Variants in C16orf46 observed in about 807,000 individuals in gnomAD.
C16orf46 encodes the protein uncharacterized protein C16orf46.
C16orf46 carries 7 observed loss-of-function variants against 5.5 expected under a neutral mutation model. The observed-to-expected ratio is 1.28, with a 90% CI of 0.73 to 2.40. The LOEUF (loss-of-function observed/expected upper bound fraction) is 2.40. Among genes scored for constraint, C16orf46 ranks in the 30% most tolerant of loss-of-function variants. C16orf46 has a pLI of 0.00. For missense variants in C16orf46, 614 were observed against 476.0 expected (o/e 1.29, Z -2.70); for synonymous variants, 200 against 184.1 (o/e 1.09, Z -0.70).
chr16:81,056,172 G>A (rs939063217), downstream of C16orf46: 2 of 152,158 alleles, frequency 1.3e-5, no homozygotes, highest in Non-Finnish European at 2.9e-5. Flanking sequence ...TCATATTTAC[G>A]CCTGTTCAGC....
downstream of C16orf46, among the ~76,000 whole-genome samples, chr16:81,059,890 G>A (rs1971411913): frequency 6.6e-6 from 1 of 151,500 alleles, no homozygotes; most frequent in Admixed American, 6.6e-5. Flanking sequence ...CTGGGTTCAC[G>A]CCATTCTCCT....
At position 81,061,323 on chromosome 16, in the gene C16orf46, C is replaced by T. The variant is rs1405794613; in HGVS notation, c.1026G>A (p.Lys342=). The T allele has an allele frequency of 6.2e-7, 1 of 1,614,028 alleles. No individual in the cohort carries two copies. The highest frequency in any genetic ancestry group is 8.5e-7 in the Non-Finnish European group (1 of 1,180,036). Residue 342 remains lysine (K), a synonymous_variant, in exon 4 of 4, where the codon AAG becomes AAA. Coordinates refer to ENST00000299578, the MANE Select transcript of C16orf46 (RefSeq NM_152337.3). ...GGGTGATCACAGGAGATCTTGGCTC[C>T]TTGGCTTTGAATTTGGATTTGTAGC... ...VQSYKSKFKA[K]EPRSPVITRK...
downstream of C16orf46, among the ~76,000 whole-genome samples, chr16:81,059,698 G>T (rs550012666): frequency 6.2e-4 from 95 of 152,284 alleles, no homozygotes; most frequent in African/African-American, 2.3e-3. Flanking sequence ...AAGTGTCTGG[G>T]GTTGAGGGTT....
At chr16:81,063,268 A>AT (rs1971547608) in intron 3 of C16orf46, among the ~76,000 whole-genome samples, 1 of 143,474 alleles carries the variant, frequency 7.0e-6, no homozygotes, top group Non-Finnish European at 1.5e-5. Flanking sequence ...AAAAAAAAAA[A>AT]CCCACAGAGT....
At chr16:81,053,822 A>G in exon 4 of C16orf46, 1 of 421,850 alleles carries the variant, frequency 2.4e-6, no homozygotes, top group South Asian at 7.2e-5. Flanking sequence ...ATATTATATT[A>G]CCTCTGCATA....
intron 1 of C16orf46, among the ~76,000 whole-genome samples, chr16:81,069,647 T>C (rs1001334223): frequency 6.6e-6 from 1 of 152,220 alleles, no homozygotes; most frequent in African/African-American, 2.4e-5. Context: ...CACATTAATC[T>C]GGTATCATTA....
At chr16:81,053,871 G>C (rs1302767255) in exon 4 of C16orf46, 2 of 538,918 alleles carry the variant, frequency 3.7e-6, no homozygotes, top group South Asian at 2.9e-5. Flanking sequence ...AGACCTAAAA[G>C]AGCGAGCCGA....
chr16:81,070,100 A>G (rs1014713560), intron 1 of C16orf46, among the ~76,000 whole-genome samples: 3 of 151,990 alleles, frequency 2.0e-5, no homozygotes, highest in African/African-American at 7.2e-5. Context: ...ACTCCAGTCT[A>G]GGCGACAGAG....
intron 1 of C16orf46, among the ~76,000 whole-genome samples, chr16:81,066,668 A>C (rs1401244118): frequency 6.6e-6 from 1 of 152,234 alleles, no homozygotes; most frequent in Non-Finnish European, 1.5e-5. Flanking sequence ...GAATGCAGAC[A>C]TCTATATTCA....
chr16:81,062,872 T>C (rs551662271), intron 3 of C16orf46, among the ~76,000 whole-genome samples: 3 of 86,798 alleles, frequency 3.5e-5, no homozygotes, highest in South Asian at 1.2e-3. Flanking sequence ...TTTCTCATAG[T>C]TTTATGCTTT....
chr16:81,065,003 C>A (rs1971607559), intron 2 of C16orf46, among the ~76,000 whole-genome samples: 1 of 148,588 alleles, frequency 6.7e-6, no homozygotes, highest in African/African-American at 2.5e-5. Flanking sequence ...ATAACCCTAT[C>A]TACCATTAAT....
Position 81,061,568 on chromosome 16 carries a change from T to G in C16orf46, c.781A>C (p.Lys261Gln). ...AGCTCACTGGCTCTTTTTTCACCTT[T>G]CCCATCTGCTGTTTTCAAGCCATAT... ...YAYGLKTADG[K>Q]GEKRASELAK... The change falls in exon 4 of 4, where the codon AAA (lysine) becomes CAA (glutamine). Residue 261 changes from lysine (K) to glutamine (Q), a missense_variant. Physicochemically the swap from Lys to Gln is moderately conservative, Grantham distance 53. Coordinates refer to ENST00000299578, the MANE Select transcript of C16orf46 (RefSeq NM_152337.3). The G allele has an allele frequency of 6.2e-7, 1 of 1,614,178 alleles. No homozygotes were observed.
chr16:81,070,221 G>A (rs1971802115), intron 1 of C16orf46, among the ~76,000 whole-genome samples: 2 of 152,124 alleles, frequency 1.3e-5, no homozygotes, highest in Admixed American at 1.3e-4. Flanking sequence ...AGAAGAAGTT[G>A]TAAGACTGCA....
At chr16:81,066,108 T>C (rs804895) in intron 2 of C16orf46, 85 bp downstream of exon 2, 121,300 of 151,662 alleles carry the variant, frequency 0.8, 50,478 homozygotes, top group Non-Finnish European at 0.92. Flanking sequence ...AGGAACTGTA[T>C]TGATTCCTTG....
chr16:81,059,612 G>A (rs897751191), downstream of C16orf46, among the ~76,000 whole-genome samples: 7 of 152,094 alleles, frequency 4.6e-5, no homozygotes, highest in Admixed American at 2.6e-4. Flanking sequence ...AATTTAGATA[G>A]AACGGTGGGA....
downstream of C16orf46, among the ~76,000 whole-genome samples, chr16:81,059,779 T>C (rs941743361): frequency 7.9e-5 from 12 of 151,896 alleles, no homozygotes; most frequent in Non-Finnish European, 5.9e-5. Context: ...CTTTTTATTT[T>C]TTTCCCAAAA....
At chr16:81,063,249 A>ATG (rs1971546579) in intron 3 of C16orf46, among the ~76,000 whole-genome samples, 6 of 146,772 alleles carry the variant, frequency 4.1e-5, no homozygotes, top group Admixed American at 4.0e-4. Context: ...TCTCAGGGAA[A>ATG]AAAAAAAAAA....
At chr16:81,055,340 T>C (rs1177829415) in intron 3 of C16orf46, 2 of 152,110 alleles carry the variant, frequency 1.3e-5, no homozygotes, top group Non-Finnish European at 2.9e-5. Flanking sequence ...TAACCCTGTG[T>C]GGTGCTGAAA....
intron 1 of C16orf46, chr16:81,072,359 A>G (rs935127128): frequency 2.0e-5 from 3 of 151,834 alleles, no homozygotes; most frequent in African/African-American, 7.2e-5. Context: ...ATAAAAAAGA[A>G]AAAAGAAACT....
Sources: gnomAD v4.1 joint callset for allele counts (sites outside exome capture counted in the v4.1 genomes callset) on GRCh38, gnomAD v4.1.1 for gene constraint, MANE v1.5 for transcripts, NCBI Gene and HGNC (gene_info 2026-07-23, HGNC 2026-07-21) for gene names.